MGAT5B: variants seen among roughly 807,000 people sequenced by gnomAD.
MGAT5B encodes alpha-1,6-mannosylglycoprotein 6-beta-N-acetylglucosaminyltransferase B.
MGAT5B carries 54 observed loss-of-function variants against 95.1 expected under a neutral mutation model. The ratio of observed to expected loss-of-function variants is 0.57; its 90% CI spans 0.46 to 0.71. MGAT5B has a LOEUF of 0.71. Ranked by LOEUF, MGAT5B falls within the 30% of genes least tolerant of loss-of-function variation. The pLI, the probability that MGAT5B is intolerant of heterozygous loss-of-function variation, is 0.00. For missense variants in MGAT5B, 935 were observed against 1,088.6 expected (o/e 0.86, Z 1.99); for synonymous variants, 464 against 451.0 (o/e 1.03, Z -0.36).
At position 76,869,404 on chromosome 17, in the gene MGAT5B, A is replaced by G. The variant is rs369859000; in HGVS notation, c.68+307A>G. Reference sequence around the variant, plus strand: ...GGTCCTGGGCCCAGAAAGTTGCCCCAGCCTGCGCGCCCCTTCCCAGCCCCT... The same window carrying G: ...GGTCCTGGGCCCAGAAAGTTGCCCCGGCCTGCGCGCCCCTTCCCAGCCCCT... On this transcript the variant is annotated intron_variant, in intron 1 of 17. Transcript: ENST00000569840. The surrounding 1 kb of genome is among the most constrained non-coding windows in gnomAD (Gnocchi z 7.0). 4.6e-5 allele frequency among the ~76,000 whole-genome samples: 7 copies of G among 152,024 alleles called. No homozygotes were observed. In the East Asian group the frequency reaches 1.4e-3, roughly 29 times the overall value.
chr17:76,884,425 A>G lies in MGAT5B; in HGVS notation c.329+2127A>G, dbSNP rs1967544902. On this transcript the variant is annotated intron_variant, in intron 3 of 17. Coordinates refer to ENST00000569840, the MANE Select transcript of MGAT5B (RefSeq NM_001199172.2). ...TTTTTGTCCCTTTCTAAGAGGTTTT[A>G]TTTATTTATTTATTTATTTTTTTGA... Among the ~76,000 whole-genome samples the G allele has an allele frequency of 3.3e-5, 5 of 151,728 alleles. No homozygotes were observed. In the South Asian group the frequency reaches 6.2e-4, roughly 19 times the overall value.
In MGAT5B at chr17:76,938,293, C is replaced by G; in HGVS notation, c.1584+150C>G. On this transcript the variant is annotated intron_variant, in intron 13 of 17. Coordinates refer to ENST00000569840, the MANE Select transcript of MGAT5B (RefSeq NM_001199172.2). This position sits in a 1 kb window ranked among gnomAD's most constrained non-coding sequence, Gnocchi z 4.3. ...CCCTGAGCCCCACATCTGGCCAGAG[C>G]CCAGGGGCAGAGATGTGGGTGCCCA... 1 of 1,111,618 alleles carries G rather than the reference C, an allele frequency of 9.0e-7. No homozygotes were observed. The highest frequency in any genetic ancestry group is 1.3e-6 in the Non-Finnish European group (1 of 790,500). 68.9% of individuals were successfully genotyped at this position (1,111,618 alleles called of 1,614,324 possible).
At chr17:76,904,222 GC>G in intron 5 of MGAT5B, 29 bp from the exon 6 acceptor site, 1 of 1,581,428 alleles carries the variant, frequency 6.3e-7, no homozygotes. Context: ...GGCTGGCGCA[GC>G]CCCCTGCCCA....
intron 3 of MGAT5B, among the ~76,000 whole-genome samples, chr17:76,894,890 A>T (rs1389496614): frequency 6.6e-6 from 1 of 151,978 alleles, no homozygotes; most frequent in Non-Finnish European, 1.5e-5. Context: ...AAAGGCAAAA[A>T]AAAAGAACAG....
rs1264066947 is a variant in MGAT5B at position 76,906,187 on chromosome 17, G to A, written c.1025G>A (p.Ser342Asn). The change falls in exon 8 of 18, where the codon AGT becomes AAT. Residue 342 changes from serine to asparagine, a missense_variant and splice_region_variant. Coordinates refer to ENST00000569840, the MANE Select transcript of MGAT5B (RefSeq NM_001199172.2). The surrounding 1 kb of genome is among the most constrained non-coding windows in gnomAD (Gnocchi z 4.6). Reference protein sequence around the residue: ...RVTVSLKELQSNLGVPPGRGS... With the variant: ...RVTVSLKELQNNLGVPPGRGS... ...ACAGTCTCCCTGAAGGAGCTGCAGAGGTGAGTGCTGGGGAAAGCCACTGGC... is the reference window on the plus strand; with the variant it reads ...ACAGTCTCCCTGAAGGAGCTGCAGAAGTGAGTGCTGGGGAAAGCCACTGGC... 6 of 1,600,234 alleles carry A rather than the reference G, an allele frequency of 3.7e-6. No individual in the cohort carries two copies. The highest frequency in any genetic ancestry group is 1.1e-5 in the South Asian group (1 of 89,562).
At chr17:76,919,106 G>C (rs193160312) in intron 8 of MGAT5B, among the ~76,000 whole-genome samples, 1 of 152,334 alleles carries the variant, frequency 6.6e-6, no homozygotes, top group East Asian at 1.9e-4. Context: ...AATGCCTGCT[G>C]GAGCTCCTGC....
intron 3 of MGAT5B, among the ~76,000 whole-genome samples, chr17:76,882,841 A>T (rs1187540068): frequency 6.6e-6 from 1 of 150,514 alleles, no homozygotes; most frequent in East Asian, 2.0e-4. Context: ...CAGCCTCCTG[A>T]GTAGCTGGGA....
intron 3 of MGAT5B, among the ~76,000 whole-genome samples, chr17:76,899,811 C>T (rs1882263372): frequency 6.6e-6 from 1 of 152,254 alleles, no homozygotes; most frequent in African/African-American, 2.4e-5. Context: ...GGAGGGAACC[C>T]AGGCATTCTC....
chr17:76,903,681 C>T (rs72881298), intron 5 of MGAT5B, among the ~76,000 whole-genome samples: 1,759 of 152,304 alleles, frequency 0.012, 19 homozygotes, highest in Non-Finnish European at 0.019. Flanking sequence ...AACAGCTGGA[C>T]GGAGAGTCTT....
In MGAT5B at chr17:76,868,955, G is replaced by A; in HGVS notation, c.-75G>A. 2 of 1,469,452 alleles carry A rather than the reference G, an allele frequency of 1.4e-6. No individual in the cohort carries two copies. Among genetic ancestry groups the A allele is most frequent in the Non-Finnish European group, 1.9e-6 (2 of 1,055,314 alleles). 91.0% of individuals were successfully genotyped at this position (1,469,452 alleles called of 1,614,324 possible). On this transcript the variant is annotated 5_prime_UTR_variant, in exon 1 of 18. Transcript: ENST00000569840. This position sits in a 1 kb window ranked among gnomAD's most constrained non-coding sequence, Gnocchi z 6.3. Reference sequence around the variant, plus strand: ...TCGGCCCGCAGAGGGTTCGTGGCCCGGACGCGGCGAGAGCTGGGCCCAGGA... The same window carrying A: ...TCGGCCCGCAGAGGGTTCGTGGCCCAGACGCGGCGAGAGCTGGGCCCAGGA...
At chr17:76,924,883 C>A in intron 8 of MGAT5B, 83 bp from the exon 9 acceptor site, 2 of 1,528,268 alleles carry the variant, frequency 1.3e-6, no homozygotes, top group South Asian at 1.2e-5. Context: ...TTGTACAGTT[C>A]ATTCTGGGCT....
chr17:76,915,415 T>A lies in MGAT5B; in HGVS notation c.1025+9228T>A, dbSNP rs561953291. Among the ~76,000 whole-genome samples, 1 of 152,158 alleles carries A rather than the reference T, an allele frequency of 6.6e-6. No individual in the cohort carries two copies. The highest frequency in any genetic ancestry group is 2.4e-5 in the African/African-American group (1 of 41,506). ...CTTCGATGCCGGAGGGGAGAGCATT[T>A]CCCACAAGCCAGGTGGAGGCAGCGG... is the stretch of plus-strand genomic sequence containing the variant. On this transcript the variant is annotated intron_variant, in intron 8 of 17. Coordinates refer to ENST00000569840, the MANE Select transcript of MGAT5B (RefSeq NM_001199172.2). The surrounding 1 kb of genome is among the most constrained non-coding windows in gnomAD (Gnocchi z 8.7).
At chr17:76,948,183 GC>G in intron 17 of MGAT5B, 97 bp downstream of exon 17, 1 of 1,469,334 alleles carries the variant, frequency 6.8e-7, no homozygotes, top group Non-Finnish European at 9.0e-7. Flanking sequence ...CCTCAGCCCT[GC>G]CAGTGTGGGG....
intron 2 of MGAT5B, among the ~76,000 whole-genome samples, chr17:76,879,560 C>T (rs7209911): frequency 0.12 from 17,984 of 152,130 alleles, 1,497 homozygotes; most frequent in African/African-American, 0.22. Flanking sequence ...CTGTGCGCTG[C>T]ACGACTCCAC....
rs925588793 is a variant in MGAT5B at position 76,938,862 on chromosome 17, A to G, written c.1584+719A>G. On this transcript the variant is annotated intron_variant, in intron 13 of 17. Transcript: ENST00000569840. The surrounding 1 kb of genome is among the most constrained non-coding windows in gnomAD (Gnocchi z 4.3). ...CCTGGCTAATTTTTAAATTTTTTGT[A>G]GAGATGGTGTCTTCCTACATTGCCC... Among the ~76,000 whole-genome samples the G allele has an allele frequency of 6.6e-5, 10 of 151,996 alleles. No homozygotes were observed. The highest frequency in any genetic ancestry group is 1.3e-4 in the Non-Finnish European group (9 of 67,986).
chr17:76,904,200 G>C, intron 5 of MGAT5B, 52 bp from the exon 6 acceptor site: 2 of 1,542,420 alleles, frequency 1.3e-6, no homozygotes, highest in Non-Finnish European at 1.7e-6. Flanking sequence ...GGGAGTCCCC[G>C]AGGGTCAGTG....
intron 8 of MGAT5B, among the ~76,000 whole-genome samples, chr17:76,910,163 C>T (rs1968682214): frequency 1.3e-5 from 2 of 152,202 alleles, no homozygotes; most frequent in Non-Finnish European, 2.9e-5. Context: ...CTCACTCTGG[C>T]TCTCACCCTG....
At chr17:76,894,902 T>C (rs551059742) in intron 3 of MGAT5B, among the ~76,000 whole-genome samples, 15 of 148,864 alleles carry the variant, frequency 1.0e-4, no homozygotes, top group Admixed American at 8.7e-4. Context: ...AAAGAACAGA[T>C]TTTAAATGGC....
rs1163189337 is a variant in MGAT5B, at chr17:76,914,280, G to C, written c.1025+8093G>C. The stretch of plus-strand genomic sequence containing the variant: ...TGTGGGAGTGTGGAAGGCGGGATGG[G>C]GAGGACACAGCAGTCGTGAGTGTCT... On this transcript the variant is annotated intron_variant, in intron 8 of 17. Transcript: ENST00000569840. The surrounding 1 kb of genome is among the most constrained non-coding windows in gnomAD (Gnocchi z 5.1). Among the ~76,000 whole-genome samples the C allele has an allele frequency of 6.6e-6, 1 of 152,208 alleles. No homozygotes were observed. Among genetic ancestry groups the C allele is most frequent in the African/African-American group, 2.4e-5 (1 of 41,444 alleles).
Sources: gnomAD v4.1 joint callset for allele counts (sites outside exome capture counted in the v4.1 genomes callset) on GRCh38, gnomAD v4.1.1 for gene constraint, Gnocchi (gnomAD v3.1) non-coding constraint, MANE v1.5 for transcripts, NCBI Gene and HGNC (gene_info 2026-07-23, HGNC 2026-07-21) for gene names.